PHYHD1: variants seen among roughly 807,000 people sequenced by gnomAD.
PHYHD1 encodes phytanoyl-CoA dioxygenase domain-containing protein 1.
In PHYHD1, 42 loss-of-function variants were observed where a neutral mutation model predicts 43.6. That is an observed-to-expected ratio of 0.96 (90% CI 0.75 to 1.25). The LOEUF (loss-of-function observed/expected upper bound fraction) is 1.25. Ranked by LOEUF, PHYHD1 falls within the 50% of genes most tolerant of loss-of-function variation. PHYHD1 has a pLI of 0.00. For synonymous variants in PHYHD1, 139 were observed against 143.6 expected (o/e 0.97, Z 0.23); for missense variants, 342 against 370.8 (o/e 0.92, Z 0.64).
At chr9:128,930,629 CA>C (rs1201611068) in intron 4 of PHYHD1, among the ~76,000 whole-genome samples, 120 of 129,746 alleles carry the variant, frequency 9.2e-4, no homozygotes, top group African/African-American at 2.4e-3. Context: ...ACCTCCGTCT[CA>C]AAAAAAAAAA....
chr9:128,926,087 T>C (rs1284088965), intron 3 of PHYHD1, among the ~76,000 whole-genome samples: 2 of 152,206 alleles, frequency 1.3e-5, no homozygotes, highest in African/African-American at 2.4e-5. Context: ...GGCTTGCTTA[T>C]AGCCATACTT....
At position 128,939,330 on chromosome 9, in the gene PHYHD1, A is replaced by G. The variant is rs1280801857; in HGVS notation, c.458-1039A>G. On this transcript the variant is annotated intron_variant, in intron 9 of 12. Coordinates refer to ENST00000372592, the MANE Select transcript of PHYHD1 (RefSeq NM_001100876.2). ...AGTGGTGGCTCACGCTTGTAATCCC[A>G]GCACTTTGGGAGGCCGAGGGGGTAG... is the stretch of plus-strand genomic sequence containing the variant. 1.6e-5 allele frequency among the ~76,000 whole-genome samples: 2 copies of G among 128,642 alleles called. 1 individual carries two copies. The highest frequency in any genetic ancestry group is 3.6e-5 in the Non-Finnish European group (2 of 55,464). The allele number at this position is 128,642 out of a possible 152,430, so 84.4% of individuals were successfully genotyped here.
intron 9 of PHYHD1, among the ~76,000 whole-genome samples, chr9:128,939,987 C>T (rs1160120581): frequency 6.6e-6 from 1 of 152,142 alleles, no homozygotes; most frequent in Non-Finnish European, 1.5e-5. Flanking sequence ...CTGGGTGAAC[C>T]ATCTGGTGGC....
At chr9:128,939,875 A>G (rs113073633) in intron 9 of PHYHD1, among the ~76,000 whole-genome samples, 32,282 of 131,030 alleles carry the variant, frequency 0.25, 5,215 homozygotes, top group Non-Finnish European at 0.34. Context: ...GGCTGGTCTC[A>G]AATTCCTGAC....
chr9:128,928,707 A>AAAAAAC (rs1390685929), intron 4 of PHYHD1, among the ~76,000 whole-genome samples: 26 of 152,082 alleles, frequency 1.7e-4, no homozygotes, highest in African/African-American at 5.8e-4. Flanking sequence ...CTGTCTCAAA[A>AAAAAAC]AAAAACAAAA....
chr9:128,927,052 A>G lies in PHYHD1; in HGVS notation c.48A>G (p.Gly16=). The change falls in exon 4 of 13, where the codon GGA becomes GGG. Residue 16 remains glycine, a synonymous_variant. Coordinates refer to ENST00000372592, the MANE Select transcript of PHYHD1 (RefSeq NM_001100876.2). ...CCTGCCTGCAGTTCCAACAGGATGG[A>G]TTCCTGGTGCTGGAAGGATTCTTGT... ...PSQLQKFQQD[G]FLVLEGFLSA... is the part of the protein sequence containing the mutation. 1 of 1,614,182 alleles carries G rather than the reference A, an allele frequency of 6.2e-7. No homozygotes were observed. The highest frequency in any genetic ancestry group is 8.5e-7 in the Non-Finnish European group (1 of 1,180,022).
intron 3 of PHYHD1, 38 bp downstream of exon 3, chr9:128,922,394 G>C: frequency 6.5e-7 from 1 of 1,541,312 alleles, no homozygotes. Context: ...GGGTCATGGC[G>C]GGGGGGTCCC....
intron 3 of PHYHD1, among the ~76,000 whole-genome samples, chr9:128,925,906 C>T (rs1399932235): frequency 6.6e-6 from 1 of 152,208 alleles, no homozygotes; most frequent in Non-Finnish European, 1.5e-5. Context: ...CTGCTGCTCC[C>T]AGACCCTTCT....
intron 3 of PHYHD1, among the ~76,000 whole-genome samples, chr9:128,925,992 G>A (rs1564538315): frequency 6.6e-6 from 1 of 152,158 alleles, no homozygotes; most frequent in African/African-American, 2.4e-5. Flanking sequence ...CACGAAGTTT[G>A]TGACAGTAAA....
At chr9:128,938,325 A>AAAACC (rs560015458) in intron 9 of PHYHD1, among the ~76,000 whole-genome samples, 38 of 151,970 alleles carry the variant, frequency 2.5e-4, no homozygotes, top group Non-Finnish European at 5.0e-4. Context: ...AACAAACAAA[A>AAAACC]AAACCAAACC....
chr9:128,937,873 C>CTCCT, intron 9 of PHYHD1, 95 bp downstream of exon 9: 1 of 1,598,128 alleles, frequency 6.3e-7, no homozygotes, highest in Non-Finnish European at 8.5e-7. Flanking sequence ...AAAGCGCTTG[C>CTCCT]TCCTGTCTGT....
At chr9:128,927,840 T>C (rs1841175362) in intron 4 of PHYHD1, among the ~76,000 whole-genome samples, 1 of 152,244 alleles carries the variant, frequency 6.6e-6, no homozygotes, top group Admixed American at 6.5e-5. Flanking sequence ...CGAAGGCCAC[T>C]TTGTGGCCAG....
In PHYHD1 at chr9:128,932,163, A is replaced by ATT. The variant is rs1564540363; in HGVS notation, c.193-1618_193-1617dup. Among the ~76,000 whole-genome samples the ATT allele has an allele frequency of 1.7e-3, 212 of 125,208 alleles. 4 individuals are homozygous for ATT. Among genetic ancestry groups the ATT allele is most frequent in the African/African-American group, 6.8e-3 (202 of 29,758 alleles). The allele number at this position is 125,208 out of a possible 152,430, so 82.1% of individuals were successfully genotyped here. A position where few individuals can be genotyped will look rare whatever the true frequency, so the allele number is the denominator to read the frequency against. Reference sequence around the variant, plus strand: ...GGAAGTCAGTTCTATTATTATTATTATTATTGTTATTATTATTATTATTTT... The same window carrying ATT: ...GGAAGTCAGTTCTATTATTATTATTATTTTATTGTTATTATTATTATTATTTT... On this transcript the variant is annotated intron_variant, in intron 4 of 12. Transcript: ENST00000372592.
chr9:128,934,643 C>T (rs1011097653), intron 6 of PHYHD1, among the ~76,000 whole-genome samples: 29 of 151,982 alleles, frequency 1.9e-4, no homozygotes, highest in African/African-American at 6.8e-4. Flanking sequence ...TTGCGCATGC[C>T]TGTAATCCCA....
intron 9 of PHYHD1, 99 bp from the exon 10 acceptor site, chr9:128,940,270 C>A (rs1841523056): frequency 1.3e-6 from 2 of 1,541,782 alleles, no homozygotes; most frequent in South Asian, 2.4e-5. Context: ...AAGGCTGGCC[C>A]TGGAGAGCAC....
chr9:128,941,840 C>G lies in PHYHD1; in HGVS notation c.*127C>G. 5 of 1,332,066 alleles carry G rather than the reference C, an allele frequency of 3.8e-6. No individual in the cohort carries two copies. Among genetic ancestry groups the G allele is most frequent in the Non-Finnish European group, 5.3e-6 (5 of 949,850 alleles). 82.5% of individuals were successfully genotyped at this position (1,332,066 alleles called of 1,614,324 possible). Reference sequence around the variant, plus strand: ...TCTCCCCTCCTGGGCTTTCCTCCTGCCCTGTGGGCAGCAGCCTAGGCTGGG... The same window carrying G: ...TCTCCCCTCCTGGGCTTTCCTCCTGGCCTGTGGGCAGCAGCCTAGGCTGGG... On this transcript the variant is annotated 3_prime_UTR_variant, in exon 13 of 13. Transcript: ENST00000372592.
chr9:128,931,649 G>C (rs971867716), intron 4 of PHYHD1, among the ~76,000 whole-genome samples: 2 of 151,422 alleles, frequency 1.3e-5, no homozygotes, highest in Non-Finnish European at 2.9e-5. Context: ...CTCAGCCTCT[G>C]GAGTAGCTGA....
intron 9 of PHYHD1, among the ~76,000 whole-genome samples, chr9:128,939,322 G>C (rs1219138226): frequency 1.6e-5 from 2 of 128,756 alleles, no homozygotes; most frequent in Admixed American, 1.8e-4. Context: ...GCTCACGCTT[G>C]TAATCCCAGC....
Position 128,940,711 on chromosome 9 carries a change from G to C in PHYHD1, c.699G>C (p.Gln233His). 6.2e-7 allele frequency: 1 copy of C among 1,613,238 alleles called. No individual in the cohort carries two copies. The highest frequency in any genetic ancestry group is 8.5e-7 in the Non-Finnish European group (1 of 1,179,980). The change falls in exon 11 of 13, where the codon CAG (glutamine) becomes CAC (histidine). Residue 233 changes from glutamine (Q) to histidine (H), a missense_variant. Transcript: ENST00000372592. ...GCCTCTTTGTGCCCACCCCAGTGCA[G>C]AGAGGTAGGCAGATGCAGAGGGCAG... ...DNSLFVPTPV[Q>H]RGALVLIHGE... is the part of the protein sequence containing the mutation.
Sources: gnomAD v4.1 joint callset for allele counts (sites outside exome capture counted in the v4.1 genomes callset) on GRCh38, gnomAD v4.1.1 for gene constraint, MANE v1.5 for transcripts, NCBI Gene and HGNC (gene_info 2026-07-23, HGNC 2026-07-21) for gene names.